Variants in CCM2L observed in about 807,000 individuals in gnomAD.
CCM2L encodes the protein cerebral cavernous malformations 2 protein-like.
CCM2L carries 36 observed loss-of-function variants against 54.1 expected under a neutral mutation model. The observed-to-expected ratio is 0.67, with a 90% confidence interval of 0.51 to 0.88. The LOEUF (loss-of-function observed/expected upper bound fraction) is 0.88. Ranked by LOEUF, CCM2L falls within the 40% of genes least tolerant of loss-of-function variation. CCM2L has a pLI of 0.00. For synonymous variants in CCM2L, 351 were observed against 359.3 expected (o/e 0.98, Z 0.26); for missense variants, 700 against 812.1 (o/e 0.86, Z 1.68).
intron 9 of CCM2L, 56 bp from the exon 10 acceptor site, chr20:32,030,945 C>CTG: frequency 7.8e-7 from 1 of 1,284,372 alleles, no homozygotes; most frequent in Non-Finnish European, 1.0e-6. Flanking sequence ...GACGCTTCCC[C>CTG]TGTGGAAGGG....
chr20:32,026,875 CA>C (rs761380291), intron 7 of CCM2L, among the ~76,000 whole-genome samples: 1,596 of 111,358 alleles, frequency 0.014, 11 homozygotes, highest in African/African-American at 0.039. Flanking sequence ...GACTCTATCT[CA>C]AAAAAAAAAA....
chr20:32,014,810 GAATT>G (rs2064725231), intron 1 of CCM2L, 90 bp from the exon 2 acceptor site: 2 of 1,245,402 alleles, frequency 1.6e-6, no homozygotes, highest in Non-Finnish European at 2.2e-6. Context: ...GTTTTGGTGA[GAATT>G]AAATTAGGTA....
intron 2 of CCM2L, among the ~76,000 whole-genome samples, chr20:32,016,174 G>C (rs370861954): frequency 4.7e-4 from 72 of 151,994 alleles, no homozygotes; most frequent in African/African-American, 1.7e-3. Context: ...ACCATGAAGA[G>C]GAAATGATGG....
intron 5 of CCM2L, among the ~76,000 whole-genome samples, chr20:32,021,466 G>A (rs2064806368): frequency 6.6e-6 from 1 of 152,138 alleles, no homozygotes; most frequent in Admixed American, 6.6e-5. Context: ...GACCAGCCTG[G>A]GCAACATGGC....
chr20:32,029,542 C>T (rs2064898945), intron 8 of CCM2L, among the ~76,000 whole-genome samples, 158 bp from the exon 9 acceptor site: 1 of 152,128 alleles, frequency 6.6e-6, no homozygotes, highest in South Asian at 2.1e-4. Flanking sequence ...TTCTTAAATG[C>T]AGCCTAAGGG....
intron 2 of CCM2L, among the ~76,000 whole-genome samples, chr20:32,016,321 G>C (rs1232874413): frequency 2.0e-5 from 3 of 152,100 alleles, no homozygotes; most frequent in Admixed American, 6.5e-5. Context: ...AATATTGCAA[G>C]GGACTAAAAA....
chr20:32,019,019 C>A lies in CCM2L; in HGVS notation c.543C>A (p.Gly181=). Residue 181 remains glycine, a synonymous_variant, in exon 5 of 10, where the codon GGC becomes GGA. Coordinates refer to ENST00000452892, the MANE Select transcript of CCM2L (RefSeq NM_001365692.1). ...CAGGACGCGACCCCGGCCCGCCAGGCGGGGCGCCCGAGAAGCGGCGGGTGG... is the reference window on the plus strand; with the variant it reads ...CAGGACGCGACCCCGGCCCGCCAGGAGGGGCGCCCGAGAAGCGGCGGGTGG... The part of the protein sequence containing the change: ...GGAGRDPGPP[G]GAPEKRRVGT... 3 of 1,328,960 alleles carry A rather than the reference C, an allele frequency of 2.3e-6. No homozygotes were observed. The highest frequency in any genetic ancestry group is 2.0e-5 in the South Asian group (1 of 49,318). 82.3% of individuals were successfully genotyped at this position (1,328,960 alleles called of 1,614,324 possible).
In CCM2L at chr20:32,014,987, C is replaced by G; in HGVS notation, c.114C>G (p.Pro38=). Residue 38 remains proline, a synonymous_variant, in exon 2 of 10, where the codon CCC becomes CCG. Coordinates refer to ENST00000452892, the MANE Select transcript of CCM2L (RefSeq NM_001365692.1). ...AACRSSVSRR[P]LHSMPLYPPD... is the part of the protein sequence containing the mutation. ...GTAGGAGCAGCGTGAGCCGCCGGCC[C>G]CTGCACTCGATGCCCCTTTATCCCC... 1 of 1,585,772 alleles carries G rather than the reference C, an allele frequency of 6.3e-7. No individual in the cohort carries two copies. The highest frequency in any genetic ancestry group is 8.6e-7 in the Non-Finnish European group (1 of 1,167,906).
intron 7 of CCM2L, among the ~76,000 whole-genome samples, chr20:32,026,371 C>T (rs2064860762): frequency 6.6e-6 from 1 of 152,126 alleles, no homozygotes; most frequent in South Asian, 2.1e-4. Context: ...TCCTTCCCTA[C>T]CCTCTTCAGG....
At position 32,014,949 on chromosome 20, in the gene CCM2L, C is replaced by T. The variant is rs140582126; in HGVS notation, c.76C>T (p.Arg26Cys). The T allele has an allele frequency of 5.6e-5, 89 of 1,601,940 alleles. No homozygotes were observed. The Middle Eastern group carries it at 8.3e-4, about 15-fold the overall frequency. The change falls in exon 2 of 10, where the codon CGC becomes TGC. Residue 26 changes from arginine to cysteine, a missense_variant. Arg to Cys is a radical substitution (Grantham distance 180). Transcript: ENST00000452892. ...AAGGCTGGTGTTCCCCAAGGCCGGGCGCCGGGCAGCCTGTAGGAGCAGCGT... is the reference window on the plus strand; with the variant it reads ...AAGGCTGGTGTTCCCCAAGGCCGGGTGCCGGGCAGCCTGTAGGAGCAGCGT... ...IRRLVFPKAG[R>C]RAACRSSVSR...
intron 5 of CCM2L, among the ~76,000 whole-genome samples, chr20:32,021,822 T>G (rs897420181): frequency 2.6e-5 from 4 of 152,220 alleles, no homozygotes; most frequent in Non-Finnish European, 5.9e-5. Context: ...TCTCAGCATC[T>G]TTGTCTGTCC....
At position 32,031,118 on chromosome 20, in the gene CCM2L, T is replaced by G; in HGVS notation, c.1520T>G (p.Met507Arg). 1 of 1,304,198 alleles carries G rather than the reference T, an allele frequency of 7.7e-7. No individual in the cohort carries two copies. The highest frequency in any genetic ancestry group is 1.0e-6 in the Non-Finnish European group (1 of 988,940). 80.8% of individuals were successfully genotyped at this position (1,304,198 alleles called of 1,614,324 possible). A position where few individuals can be genotyped will look rare whatever the true frequency, so the allele number is the denominator to read the frequency against. Reference sequence around the variant, plus strand: ...AGCTTCGGCCGCATCAAGCGCAGCATGAGCTCCACGTCGGCCTCCGCAGTG... The same window carrying G: ...AGCTTCGGCCGCATCAAGCGCAGCAGGAGCTCCACGTCGGCCTCCGCAGTG... ...TDSFGRIKRS[M>R]SSTSASAVRS... The change falls in exon 10 of 10, where the codon ATG (methionine) becomes AGG (arginine). Residue 507 changes from methionine to arginine, a missense_variant. Met to Arg is a moderately conservative substitution (Grantham distance 91). Transcript: ENST00000452892.
Position 32,018,943 on chromosome 20 carries a change from G to C in CCM2L, c.467G>C (p.Gly156Ala). 1 of 1,391,866 alleles carries C rather than the reference G, an allele frequency of 7.2e-7. No homozygotes were observed. The highest frequency in any genetic ancestry group is 9.3e-7 in the Non-Finnish European group (1 of 1,076,774). The allele number at this position is 1,391,866 out of a possible 1,614,324, so 86.2% of individuals were successfully genotyped here. Residue 156 changes from glycine (G) to alanine (A), a missense_variant and splice_region_variant, in exon 5 of 10, where the codon GGT becomes GCT. By Grantham distance (60) the Gly-to-Ala change is moderately conservative. Transcript: ENST00000452892. ...DALHLLVLKTGLGVDPVPAGV... is the reference protein window; with the variant it reads ...DALHLLVLKTALGVDPVPAGV... ...CTGACGGTCCCCCGGACTCTCCTAG[G>C]TCTGGGTGTGGACCCGGTGCCGGCC...
In CCM2L at chr20:32,019,099, G is replaced by C; in HGVS notation, c.623G>C (p.Gly208Ala). ...AGCCTGGACTGGCGGATGGGGTGGG[G>C]TGGGGGCGCCGCGGAGGCCCGGGCC... ...ICSLDWRMGW[G>A]GGAAEARAGG... The change falls in exon 5 of 10, where the codon GGT (glycine) becomes GCT (alanine). Residue 208 changes from glycine to alanine, a missense_variant. Gly to Ala is a moderately conservative substitution (Grantham distance 60). Coordinates refer to ENST00000452892, the MANE Select transcript of CCM2L (RefSeq NM_001365692.1). The C allele has an allele frequency of 8.4e-7, 1 of 1,185,412 alleles. No individual in the cohort carries two copies. The allele number at this position is 1,185,412 out of a possible 1,614,324, so 73.4% of individuals were successfully genotyped here.
Position 32,018,954 on chromosome 20 carries a change from G to T in CCM2L, c.478G>T (p.Asp160Tyr). ...CCGGACTCTCCTAGGTCTGGGTGTG[G>T]ACCCGGTGCCGGCCGGCGTGGATGC... ...LLVLKTGLGV[D>Y]PVPAGVDASP... Residue 160 changes from aspartate (D) to tyrosine (Y), a missense_variant, in exon 5 of 10, where the codon GAC becomes TAC. Asp to Tyr is a radical substitution (Grantham distance 160). Transcript: ENST00000452892. 1.4e-6 allele frequency: 2 copies of T among 1,400,386 alleles called. No individual in the cohort carries two copies. Among genetic ancestry groups the T allele is most frequent in the Non-Finnish European group, 1.8e-6 (2 of 1,081,366 alleles). 86.7% of individuals were successfully genotyped at this position (1,400,386 alleles called of 1,614,324 possible). A position where few individuals can be genotyped will look rare whatever the true frequency, so the allele number is the denominator to read the frequency against.
chr20:32,019,011 C>G lies in CCM2L; in HGVS notation c.535C>G (p.Pro179Ala). The G allele has an allele frequency of 7.5e-7, 1 of 1,339,076 alleles. No individual in the cohort carries two copies. Among genetic ancestry groups the G allele is most frequent in the Non-Finnish European group, 9.5e-7 (1 of 1,053,192 alleles). 82.9% of individuals were successfully genotyped at this position (1,339,076 alleles called of 1,614,324 possible). ...AGGCGGCGCAGGACGCGACCCCGGC[C>G]CGCCAGGCGGGGCGCCCGAGAAGCG... ...SPGGAGRDPGPPGGAPEKRRV... is the reference protein window; with the variant it reads ...SPGGAGRDPGAPGGAPEKRRV... The change falls in exon 5 of 10, where the codon CCG becomes GCG. Residue 179 changes from proline to alanine, a missense_variant. Coordinates refer to ENST00000452892, the MANE Select transcript of CCM2L (RefSeq NM_001365692.1).
At chr20:32,025,990 G>A (rs1451792821) in intron 7 of CCM2L, 71 bp downstream of exon 7, 1 of 1,180,654 alleles carries the variant, frequency 8.5e-7, no homozygotes, top group Admixed American at 2.3e-5. Context: ...ACTAGAGAGG[G>A]TAGGAGAAGG....
chr20:32,019,107 G>C lies in CCM2L; in HGVS notation c.631G>C (p.Ala211Pro). Residue 211 changes from alanine (A) to proline (P), a missense_variant, in exon 5 of 10, where the codon GCC becomes CCC. Coordinates refer to ENST00000452892, the MANE Select transcript of CCM2L (RefSeq NM_001365692.1). ...LDWRMGWGGG[A>P]AEARAGGGGG... is the part of the protein sequence containing the mutation. Reference sequence around the variant, plus strand: ...CTGGCGGATGGGGTGGGGTGGGGGCGCCGCGGAGGCCCGGGCCGGGGGAGG... The same window carrying C: ...CTGGCGGATGGGGTGGGGTGGGGGCCCCGCGGAGGCCCGGGCCGGGGGAGG... The C allele has an allele frequency of 8.5e-7, 1 of 1,175,344 alleles. No homozygotes were observed. Among genetic ancestry groups the C allele is most frequent in the Non-Finnish European group, 1.1e-6 (1 of 951,538 alleles). The allele number at this position is 1,175,344 out of a possible 1,614,324, so 72.8% of individuals were successfully genotyped here.
At chr20:32,025,125 TTC>T (rs2064844314) in intron 6 of CCM2L, among the ~76,000 whole-genome samples, 1 of 151,278 alleles carries the variant, frequency 6.6e-6, no homozygotes, top group Non-Finnish European at 1.5e-5. Flanking sequence ...TCCCCTTTCT[TTC>T]TTTCTTTTCT....
Sources: allele counts gnomAD v4.1 joint callset (sites outside exome capture counted in the v4.1 genomes callset), GRCh38; gene constraint gnomAD v4.1.1; transcripts MANE v1.5; gene names NCBI Gene and HGNC (gene_info 2026-07-23, HGNC 2026-07-21).